CDH12: variants seen among roughly 807,000 people sequenced by gnomAD.
CDH12 encodes cadherin-12.
A neutral mutation model predicts 74.1 loss-of-function variants in CDH12; 41 were observed. That is an observed-to-expected ratio of 0.55 (90% CI 0.43 to 0.72). The LOEUF (loss-of-function observed/expected upper bound fraction) is 0.72. Among genes scored for constraint, CDH12 ranks in the 30% least tolerant of loss-of-function variants. The pLI, the probability that CDH12 is intolerant of heterozygous loss-of-function variation, is 0.00. For synonymous variants in CDH12, 399 were observed against 355.0 expected (o/e 1.12, Z -1.39); for missense variants, 945 against 977.2 (o/e 0.97, Z 0.44).
intron 5 of CDH12, among the ~76,000 whole-genome samples, chr5:22,072,117 C>T (rs191323532): frequency 4.7e-4 from 72 of 152,080 alleles, no homozygotes; most frequent in African/African-American, 1.7e-3. Flanking sequence ...CCTTTTTCCC[C>T]GTCTTCAATG....
chr5:21,869,089 T>C (rs12513741), intron 6 of CDH12, among the ~76,000 whole-genome samples: 8,063 of 152,186 alleles, frequency 0.053, 308 homozygotes, highest in Admixed American at 0.11. Flanking sequence ...CCAGGATACT[T>C]TGGGCTCCTC....
In CDH12 at chr5:21,832,388, T is replaced by G. The variant is rs185245448; in HGVS notation, c.814+9773A>C. On this transcript the variant is annotated intron_variant, in intron 8 of 14. Transcript: ENST00000382254. ...TTCTTTTTATATGCCTACATCAGCC[T>G]ATATAGAGCCTAGTAAAACTCATGA... Among the ~76,000 whole-genome samples the G allele has an allele frequency of 4.2e-3, 644 of 152,214 alleles. 7 individuals carry two copies. The Middle Eastern group carries it at 0.062, about 15-fold the overall frequency.
At chr5:22,698,276 C>T (rs1453702646) in intron 1 of CDH12, among the ~76,000 whole-genome samples, 1 of 151,218 alleles carries the variant, frequency 6.6e-6, no homozygotes, top group Admixed American at 6.6e-5. Flanking sequence ...CATGCATCAC[C>T]ACACTTGGCT....
chr5:22,588,243 T>C (rs1395034227), intron 1 of CDH12, among the ~76,000 whole-genome samples: 1 of 152,038 alleles, frequency 6.6e-6, no homozygotes, highest in African/African-American at 2.4e-5. Flanking sequence ...AAACACAATG[T>C]TAAAAATTAA....
chr5:22,487,271 G>A (rs1746646913), intron 2 of CDH12, among the ~76,000 whole-genome samples: 2 of 152,050 alleles, frequency 1.3e-5, no homozygotes, highest in Admixed American at 1.3e-4. Flanking sequence ...CAAAGTCCTG[G>A]GATTACAGGC....
At chr5:22,208,249 T>C (rs897613916) in intron 4 of CDH12, among the ~76,000 whole-genome samples, 5 of 152,194 alleles carry the variant, frequency 3.3e-5, no homozygotes, top group South Asian at 2.1e-4. Context: ...TCAATTTGAA[T>C]GGATTAACAG....
At chr5:22,269,801 G>T (rs575188071) in intron 3 of CDH12, among the ~76,000 whole-genome samples, 25 of 152,022 alleles carry the variant, frequency 1.6e-4, no homozygotes, top group Non-Finnish European at 1.5e-4. Context: ...AAAAGGTACC[G>T]AATATGTTCC....
chr5:22,543,256 T>C (rs1434744333), intron 1 of CDH12, among the ~76,000 whole-genome samples: 1 of 152,140 alleles, frequency 6.6e-6, no homozygotes, highest in Non-Finnish European at 1.5e-5. Flanking sequence ...CTTAATGTTA[T>C]TTAAATAAAA....
At chr5:22,090,477 C>A (rs1399304729) in intron 4 of CDH12, among the ~76,000 whole-genome samples, 1 of 146,810 alleles carries the variant, frequency 6.8e-6, no homozygotes, top group Non-Finnish European at 1.5e-5. Context: ...AATATAAAAC[C>A]TCTGTAAACT....
chr5:22,227,592 T>C (rs1752239324), intron 3 of CDH12, among the ~76,000 whole-genome samples: 1 of 152,176 alleles, frequency 6.6e-6, no homozygotes, highest in Admixed American at 6.6e-5. Flanking sequence ...GAAAATTATC[T>C]TGCATGAGAA....
chr5:22,073,298 T>C (rs1742082500), intron 5 of CDH12, among the ~76,000 whole-genome samples: 1 of 152,186 alleles, frequency 6.6e-6, no homozygotes, highest in Non-Finnish European at 1.5e-5. Context: ...AACAGGGATT[T>C]ATCTGAAATG....
chr5:22,060,840 G>A (rs931001202), intron 5 of CDH12, among the ~76,000 whole-genome samples: 3 of 152,162 alleles, frequency 2.0e-5, no homozygotes, highest in Non-Finnish European at 4.4e-5. Flanking sequence ...GTCACGCTCC[G>A]AAACAAAGGA....
intron 2 of CDH12, among the ~76,000 whole-genome samples, chr5:22,429,054 CT>C (rs1184624829): frequency 2.0e-5 from 3 of 151,930 alleles, no homozygotes; most frequent in African/African-American, 7.3e-5. Flanking sequence ...TCTGATTCAC[CT>C]TTTGGTTAGC....
At chr5:21,766,681 A>C (rs2149878149) in intron 11 of CDH12, among the ~76,000 whole-genome samples, 1 of 152,106 alleles carries the variant, frequency 6.6e-6, no homozygotes, top group South Asian at 2.1e-4. Flanking sequence ...TACACAGTAT[A>C]AAATATAAAT....
intron 1 of CDH12, among the ~76,000 whole-genome samples, chr5:22,744,527 A>T (rs551410586): frequency 6.6e-6 from 1 of 152,210 alleles, no homozygotes; most frequent in Non-Finnish European, 1.5e-5. Flanking sequence ...TATATTTTAC[A>T]TTATTTATTT....
chr5:22,658,347 C>T (rs1431609017), intron 1 of CDH12, among the ~76,000 whole-genome samples: 2 of 152,162 alleles, frequency 1.3e-5, no homozygotes, highest in African/African-American at 2.4e-5. Context: ...ATAAAGCAAA[C>T]ATAACTTATC....
rs57254902 is a variant in CDH12 at position 22,448,328 on chromosome 5, C to CA, written c.-427-42978dup. Reference sequence around the variant, plus strand: ...CTTCAAGTTTTAACATCACTCGATGCAAAAAAAAAATATGCCAGTGAATGA... The same window carrying CA: ...CTTCAAGTTTTAACATCACTCGATGCAAAAAAAAAAATATGCCAGTGAATGA... On this transcript the variant is annotated intron_variant, in intron 2 of 14. Transcript: ENST00000382254. 3.8e-3 allele frequency among the ~76,000 whole-genome samples: 554 copies of CA among 147,070 alleles called. 3 individuals carry two copies. The highest frequency in any genetic ancestry group is 0.013 in the African/African-American group (509 of 40,274).
chr5:22,164,741 T>A (rs1748580781), intron 4 of CDH12, among the ~76,000 whole-genome samples: 3 of 148,466 alleles, frequency 2.0e-5, no homozygotes. Flanking sequence ...TTTGCCAAAT[T>A]AGCATTTAGT....
chr5:22,843,450 T>A (rs555625113), intron 1 of CDH12, among the ~76,000 whole-genome samples: 1 of 151,976 alleles, frequency 6.6e-6, no homozygotes, highest in Non-Finnish European at 1.5e-5. Context: ...CCAGAAAAAA[T>A]GAAGTTGTTT....
Sources: gnomAD v4.1 joint callset for allele counts (sites outside exome capture counted in the v4.1 genomes callset) on GRCh38, gnomAD v4.1.1 for gene constraint, MANE v1.5 for transcripts, NCBI Gene and HGNC (gene_info 2026-07-23, HGNC 2026-07-21) for gene names.